The following OR7C1 variants were observed in gnomAD, a reference collection of about 807,000 sequenced individuals.
OR7C1 encodes olfactory receptor 7C1.
For missense variants in OR7C1, 324 were observed against 383.3 expected, an observed-to-expected ratio of 0.85 and a Z score of 1.29; for synonymous variants, 152 against 160.7, an observed-to-expected ratio of 0.95 and a Z score of 0.41.
In OR7C1 at chr19:14,827,899, G is replaced by A. The variant is rs2044788085; in HGVS notation, c.-623+7175C>T. 4 of 1,614,216 alleles carry A rather than the reference G, an allele frequency of 2.5e-6. No homozygotes were observed. The East Asian group carries it at 8.9e-5, about 36-fold the overall frequency. On this transcript the variant is annotated intron_variant, in intron 1 of 4. Coordinates refer to ENST00000641666, the Ensembl canonical transcript of OR7C1. ...AACCGGTCATAGGCCATCACGGACA[G>A]GAGGAAGTTTTCAAATCCAGCAAAG...
At chr19:14,821,265 A>G (rs2044739852) in intron 1 of OR7C1, among the ~76,000 whole-genome samples, 1 of 152,128 alleles carries the variant, frequency 6.6e-6, no homozygotes, top group African/African-American at 2.4e-5. Context: ...CAAAAACAAA[A>G]CATGTGTGGT....
At chr19:14,818,156 G>A (rs2044725088) in intron 1 of OR7C1, among the ~76,000 whole-genome samples, 1 of 151,454 alleles carries the variant, frequency 6.6e-6, no homozygotes, top group Non-Finnish European at 1.5e-5. Flanking sequence ...GTAGTGGCAC[G>A]ATCTCGGCTC....
At chr19:14,818,062 T>TTTTATTTATTTATTTATTTATTTATTTA (rs372783648) in intron 1 of OR7C1, among the ~76,000 whole-genome samples, 1 of 139,460 alleles carries the variant, frequency 7.2e-6, no homozygotes, top group African/African-American at 2.7e-5. Context: ...ATTTTATTTA[T>TTTTATTTATTTATTTATTTATTTATTTA]TTTATTTATT....
chr19:14,807,250 T>A (rs1213378732), intron 2 of OR7C1, among the ~76,000 whole-genome samples: 1 of 152,006 alleles, frequency 6.6e-6, no homozygotes, highest in Non-Finnish European at 1.5e-5. Context: ...TTTAATGTTA[T>A]GGATCCTGCT....
At chr19:14,801,115 C>T (rs2044639784) in intron 2 of OR7C1, among the ~76,000 whole-genome samples, 1 of 152,286 alleles carries the variant, frequency 6.6e-6, no homozygotes, top group East Asian at 1.9e-4. Context: ...ATTTGAGTAG[C>T]AATGGTCTTG....
At chr19:14,829,002 AAGC>A in intron 1 of OR7C1, among the ~76,000 whole-genome samples, 1 of 152,186 alleles carries the variant, frequency 6.6e-6, no homozygotes, top group East Asian at 1.9e-4. Context: ...AAAATAAACA[AAGC>A]AGGTAAAAAG....
intron 2 of OR7C1, among the ~76,000 whole-genome samples, chr19:14,803,649 A>C (rs928244397): frequency 4.6e-5 from 7 of 152,086 alleles, no homozygotes; most frequent in Non-Finnish European, 1.0e-4. Flanking sequence ...GCTTTTTATT[A>C]AAAGGGAAAC....
rs974335108 is a variant in OR7C1 at position 14,802,615 on chromosome 19, G to C, written c.-434-1851C>G. The stretch of plus-strand genomic sequence containing the variant: ...TACCTACCTTGAAACCTCTCTCAAA[G>C]GAGATTGTTGAAAACATTTAAAGAC... On this transcript the variant is annotated intron_variant, in intron 2 of 4. Coordinates refer to ENST00000641666, the Ensembl canonical transcript of OR7C1. Among the ~76,000 whole-genome samples, 18 of 152,346 alleles carry C rather than the reference G, an allele frequency of 1.2e-4. No homozygotes were observed. In the East Asian group the frequency reaches 3.1e-3, roughly 26 times the overall value.
intron 1 of OR7C1, chr19:14,828,436 A>G (rs1294467754): frequency 1.5e-6 from 1 of 654,236 alleles, no homozygotes; most frequent in African/African-American, 1.8e-5. Flanking sequence ...TCTCAGCCTT[A>G]ACTGAAGACA....
intron 2 of OR7C1, among the ~76,000 whole-genome samples, chr19:14,806,928 T>C (rs1170067155): frequency 6.6e-6 from 1 of 151,968 alleles, no homozygotes; most frequent in Non-Finnish European, 1.5e-5. Flanking sequence ...CCAAATGGTA[T>C]TTCTGGTTCT....
chr19:14,805,312 C>T (rs1335197799), intron 2 of OR7C1, among the ~76,000 whole-genome samples: 1 of 151,654 alleles, frequency 6.6e-6, no homozygotes, highest in Non-Finnish European at 1.5e-5. Context: ...CTCATTGAGA[C>T]CCTGGTGCCT....
exon 5 of OR7C1, chr19:14,799,564 G>A (rs1443468537): frequency 1.2e-6 from 2 of 1,614,182 alleles, no homozygotes; most frequent in African/African-American, 2.7e-5. Context: ...TAATGAAGGT[G>A]TCAGAACAGG....
At chr19:14,821,238 C>CAAAGCAAAAATA (rs1265903335) in intron 1 of OR7C1, among the ~76,000 whole-genome samples, 10 of 151,758 alleles carry the variant, frequency 6.6e-5, no homozygotes, top group African/African-American at 2.4e-4. Context: ...AACTCTGTCT[C>CAAAGCAAAAATA]AAAGCAAAAA....
chr19:14,823,871 C>T (rs949855299), intron 1 of OR7C1, among the ~76,000 whole-genome samples: 6 of 148,606 alleles, frequency 4.0e-5, no homozygotes, highest in Non-Finnish European at 5.9e-5. Context: ...TTCCCAGCAC[C>T]GTTTATTGAA....
At chr19:14,803,406 A>G (rs928862402) in intron 2 of OR7C1, among the ~76,000 whole-genome samples, 4 of 151,362 alleles carry the variant, frequency 2.6e-5, no homozygotes, top group Admixed American at 1.3e-4. Flanking sequence ...TCTATTATGC[A>G]GATGGGGTCT....
intron 1 of OR7C1, chr19:14,826,554 C>T (rs1443045293): frequency 6.6e-6 from 1 of 152,130 alleles, no homozygotes; most frequent in East Asian, 1.9e-4. Flanking sequence ...AGTCCATGCA[C>T]ATCATAAAAA....
chr19:14,822,480 G>A (rs975026898), intron 1 of OR7C1, among the ~76,000 whole-genome samples: 1 of 138,302 alleles, frequency 7.2e-6, no homozygotes, highest in Non-Finnish European at 1.5e-5. Context: ...CACCACCCAA[G>A]TTCAAGCAAT....
At chr19:14,805,596 A>G (rs1354839293) in intron 2 of OR7C1, among the ~76,000 whole-genome samples, 1 of 151,250 alleles carries the variant, frequency 6.6e-6, no homozygotes, top group African/African-American at 2.4e-5. Flanking sequence ...TTGTATTTTT[A>G]GTAGAGACAG....
At chr19:14,822,968 C>G (rs2044748248) in intron 1 of OR7C1, among the ~76,000 whole-genome samples, 1 of 151,924 alleles carries the variant, frequency 6.6e-6, no homozygotes, top group African/African-American at 2.4e-5. Context: ...TAGGTTGCCT[C>G]TCTGTTGATT....
Sources: gnomAD v4.1 joint callset for allele counts (sites outside exome capture counted in the v4.1 genomes callset) on GRCh38, gnomAD v4.1.1 for gene constraint, MANE v1.5 for transcripts, NCBI Gene and HGNC (gene_info 2026-07-23, HGNC 2026-07-21) for gene names.